The following WWOX variants were observed in gnomAD, a reference collection of about 807,000 sequenced individuals.
WWOX encodes the protein WW domain containing oxidoreductase.
Under a neutral mutation model 46.2 loss-of-function variants are expected in WWOX, and 69 were observed. The ratio of observed to expected loss-of-function variants is 1.49; its 90% CI spans 1.23 to 1.82. The LOEUF is 1.82. Ranked by LOEUF, WWOX falls within the 40% of genes most tolerant of loss-of-function variation. The pLI, the probability that WWOX is intolerant of heterozygous loss-of-function variation, is 0.00. For synonymous variants in WWOX, 359 were observed against 202.6 expected (o/e 1.77, Z -6.56); for missense variants, 919 against 542.6 (o/e 1.69, Z -6.89).
intron 5 of WWOX, among the ~76,000 whole-genome samples, chr16:78,331,206 T>G (rs1319099549): frequency 1.3e-5 from 2 of 152,236 alleles, no homozygotes; most frequent in African/African-American, 4.8e-5. Context: ...TTGCAGAAAT[T>G]ATCACTGAGG....
At chr16:78,629,422 C>G (rs1170715592) in intron 8 of WWOX, among the ~76,000 whole-genome samples, 1 of 152,160 alleles carries the variant, frequency 6.6e-6, no homozygotes, top group Admixed American at 6.5e-5. Context: ...TCTTGACTCT[C>G]TTGAAATCCC....
intron 8 of WWOX, among the ~76,000 whole-genome samples, chr16:78,926,921 T>A (rs1394914619): frequency 6.6e-6 from 1 of 152,090 alleles, no homozygotes; most frequent in Non-Finnish European, 1.5e-5. Context: ...CTCAGCTTCC[T>A]AAGTAGCTGG....
chr16:78,437,806 C>T (rs13329990), intron 8 of WWOX, among the ~76,000 whole-genome samples: 12,577 of 152,248 alleles, frequency 0.083, 944 homozygotes, highest in African/African-American at 0.19. Flanking sequence ...AATGAAGTCA[C>T]ATCATACGTG....
intron 8 of WWOX, among the ~76,000 whole-genome samples, chr16:78,619,669 C>G (rs1211667838): frequency 6.6e-6 from 1 of 151,752 alleles, no homozygotes; most frequent in African/African-American, 2.4e-5. Context: ...CTTCGGGAGT[C>G]CAAGGTAGGA....
intron 8 of WWOX, among the ~76,000 whole-genome samples, chr16:78,837,011 C>T (rs1277278162): frequency 1.3e-5 from 2 of 152,094 alleles, no homozygotes; most frequent in African/African-American, 2.4e-5. Flanking sequence ...ATAGAAGCCG[C>T]TTCTTCATCC....
At chr16:79,056,869 G>C (rs1321378991) in intron 8 of WWOX, among the ~76,000 whole-genome samples, 1 of 152,196 alleles carries the variant, frequency 6.6e-6, no homozygotes, top group African/African-American at 2.4e-5. Context: ...AAGCTAAAGA[G>C]CCTTTCAGGC....
chr16:78,984,306 G>A (rs980009273), intron 8 of WWOX, among the ~76,000 whole-genome samples: 1 of 152,158 alleles, frequency 6.6e-6, no homozygotes, highest in Non-Finnish European at 1.5e-5. Context: ...TCAGGTAATT[G>A]CAAGTCCCCC....
chr16:78,868,489 C>G (rs1597083478), intron 8 of WWOX, among the ~76,000 whole-genome samples: 1 of 152,018 alleles, frequency 6.6e-6, no homozygotes, highest in East Asian at 1.9e-4. Context: ...TAACATCAAA[C>G]TGTATATTTA....
intron 5 of WWOX, among the ~76,000 whole-genome samples, chr16:78,261,418 A>ATAAATAAATAAC: frequency 6.7e-6 from 1 of 149,526 alleles, no homozygotes; most frequent in East Asian, 1.9e-4. Context: ...AAATAAATAA[A>ATAAATAAATAAC]TAAATAAATA....
chr16:78,322,857 G>C (rs1427051745), intron 5 of WWOX, among the ~76,000 whole-genome samples: 2 of 152,148 alleles, frequency 1.3e-5, no homozygotes, highest in Non-Finnish European at 2.9e-5. Flanking sequence ...TTAAAATTAT[G>C]TATGGACATG....
chr16:78,486,617 C>T (rs2084644813), intron 8 of WWOX, among the ~76,000 whole-genome samples: 1 of 146,554 alleles, frequency 6.8e-6, no homozygotes, highest in Non-Finnish European at 1.5e-5. Flanking sequence ...CTCTGTCGCC[C>T]AGGCTGGAGT....
intron 8 of WWOX, chr16:79,078,332 C>T (rs975444074): frequency 1.3e-5 from 2 of 152,184 alleles, no homozygotes; most frequent in African/African-American, 4.8e-5. Context: ...GGTTTTGTTA[C>T]TTGCAAGGCA....
intron 8 of WWOX, among the ~76,000 whole-genome samples, chr16:78,936,857 ACT>A (rs1393671974): frequency 6.6e-6 from 1 of 152,152 alleles, no homozygotes; most frequent in Admixed American, 6.5e-5. Flanking sequence ...GGCTTCTGTA[ACT>A]CTTTAACTTG....
At chr16:78,882,988 T>G (rs1442331659) in intron 8 of WWOX, among the ~76,000 whole-genome samples, 1 of 152,134 alleles carries the variant, frequency 6.6e-6, no homozygotes, top group Non-Finnish European at 1.5e-5. Context: ...AGTGACATGT[T>G]TCTTTGGCTG....
At chr16:79,090,407 G>T (rs752114279) in intron 8 of WWOX, among the ~76,000 whole-genome samples, 1 of 151,786 alleles carries the variant, frequency 6.6e-6, no homozygotes, top group African/African-American at 2.4e-5. Context: ...GTTATCTCAC[G>T]TTTCTGGAGG....
Position 78,350,556 on chromosome 16 carries a change from T to C in WWOX, c.517-36304T>C, listed in dbSNP as rs1358689227. Reference sequence around the variant, plus strand: ...CTTTTCATATAAATAAATCAGATACTGTGTGGCCCTTTGTGTCTCGATCCT... The same window carrying C: ...CTTTTCATATAAATAAATCAGATACCGTGTGGCCCTTTGTGTCTCGATCCT... On this transcript the variant is annotated intron_variant, in intron 5 of 8. Coordinates refer to ENST00000566780, the MANE Select transcript of WWOX (RefSeq NM_016373.4). Among the ~76,000 whole-genome samples the C allele has an allele frequency of 1.6e-5, 2 of 121,352 alleles. 1 individual carries two copies. Among genetic ancestry groups the C allele is most frequent in the Non-Finnish European group, 3.9e-5 (2 of 50,788 alleles). The allele number at this position is 121,352 out of a possible 152,430, so 79.6% of individuals were successfully genotyped here.
chr16:78,761,698 TG>T (rs532114766), intron 8 of WWOX, among the ~76,000 whole-genome samples: 65 of 152,194 alleles, frequency 4.3e-4, no homozygotes, highest in Admixed American at 1.5e-3. Context: ...TCCTTGGCTT[TG>T]AAGCTCTCCT....
intron 8 of WWOX, among the ~76,000 whole-genome samples, chr16:79,057,540 G>C (rs1337655021): frequency 1.3e-5 from 2 of 151,814 alleles, no homozygotes; most frequent in Non-Finnish European, 1.5e-5. Context: ...TTGGAGATTT[G>C]ATCCATTTTA....
At chr16:78,516,457 C>A (rs1446212041) in intron 8 of WWOX, among the ~76,000 whole-genome samples, 1 of 152,090 alleles carries the variant, frequency 6.6e-6, no homozygotes, top group African/African-American at 2.4e-5. Context: ...ATTTTTAATT[C>A]CCATGCTCAG....
Sources: allele counts gnomAD v4.1 joint callset (sites outside exome capture counted in the v4.1 genomes callset), GRCh38; gene constraint gnomAD v4.1.1; transcripts MANE v1.5; gene names NCBI Gene and HGNC (gene_info 2026-07-23, HGNC 2026-07-21).